The following SSX2IP variants were observed in gnomAD, a reference collection of about 807,000 sequenced individuals.
SSX2IP encodes the protein SSX family member 2 interacting protein.
In SSX2IP, 55 loss-of-function variants were observed where a neutral mutation model predicts 84.9. The ratio of observed to expected loss-of-function variants is 0.65; its 90% CI spans 0.52 to 0.81. The LOEUF is 0.81. SSX2IP is among the 30% of genes least tolerant of loss of function. SSX2IP has a pLI of 0.00. For synonymous variants in SSX2IP, 239 were observed against 234.7 expected, an observed-to-expected ratio of 1.02 and a Z score of -0.17; for missense variants, 664 against 705.2, an observed-to-expected ratio of 0.94 and a Z score of 0.66.
At chr1:84,666,471 G>A (rs1652792233) in intron 4 of SSX2IP, among the ~76,000 whole-genome samples, 1 of 152,050 alleles carries the variant, frequency 6.6e-6, no homozygotes, top group South Asian at 2.1e-4. Context: ...ATACAAAAGT[G>A]CTTCAAAATG....
intron 1 of SSX2IP, among the ~76,000 whole-genome samples, chr1:84,682,467 G>C (rs1191203973): frequency 6.6e-6 from 1 of 151,436 alleles, no homozygotes; most frequent in Non-Finnish European, 1.5e-5. Context: ...ATATGGAACT[G>C]AGTACAGCTA....
At chr1:84,653,673 G>A (rs771197893) in intron 11 of SSX2IP, among the ~76,000 whole-genome samples, 6 of 152,154 alleles carry the variant, frequency 3.9e-5, no homozygotes, top group Non-Finnish European at 5.9e-5. Context: ...TTCACACTGT[G>A]AACTGAGGAA....
At chr1:84,660,026 A>T (rs1025997549) in intron 8 of SSX2IP, among the ~76,000 whole-genome samples, 1 of 151,588 alleles carries the variant, frequency 6.6e-6, no homozygotes, top group African/African-American at 2.4e-5. Context: ...AAAACAACAA[A>T]CTCATTTTAC....
At chr1:84,672,740 T>G (rs1020763136) in intron 1 of SSX2IP, among the ~76,000 whole-genome samples, 5 of 152,186 alleles carry the variant, frequency 3.3e-5, no homozygotes, top group African/African-American at 1.2e-4. Context: ...AAATGAAAAT[T>G]TAGTCTGGCT....
rs1652099461 is a variant in SSX2IP at position 84,662,211 on chromosome 1, T to C, written c.914A>G (p.Asp305Gly). ...AGAGCCACTTACAGTTCCTGTACTA[T>C]CATCTACTCTTTCTCTAGGTTTCTT... Reference protein sequence around the residue: ...QKKKPRERVDDSTGTVISDVE... With the variant: ...QKKKPRERVDGSTGTVISDVE... The change falls in exon 8 of 14, where the codon GAT (aspartate) becomes GGT (glycine). Residue 305 changes from aspartate (D) to glycine (G), a missense_variant. Coordinates refer to ENST00000342203, the MANE Select transcript of SSX2IP (RefSeq NM_001166293.2). 1 of 1,591,018 alleles carries C rather than the reference T, an allele frequency of 6.3e-7. No homozygotes were observed. Among genetic ancestry groups the C allele is most frequent in the Non-Finnish European group, 8.5e-7 (1 of 1,171,984 alleles).
chr1:84,664,266 AT>A (rs1483779755), intron 6 of SSX2IP, 150 bp downstream of exon 6: 6 of 820,620 alleles, frequency 7.3e-6, no homozygotes, highest in African/African-American at 7.2e-5. Flanking sequence ...AGTTGTCTAC[AT>A]TTTTTATATA....
chr1:84,669,954 T>C (rs1653318526), intron 3 of SSX2IP, 61 bp from the exon 4 acceptor site: 3 of 1,258,372 alleles, frequency 2.4e-6, no homozygotes, highest in Non-Finnish European at 3.4e-6. Flanking sequence ...GGTCAGAGGA[T>C]ACAAACTTTC....
intron 11 of SSX2IP, chr1:84,655,365 T>A: frequency 8.7e-7 from 1 of 1,152,230 alleles, no homozygotes; most frequent in Non-Finnish European, 1.1e-6. Context: ...AGGGGGAATA[T>A]GTAGATGACA....
intron 1 of SSX2IP, among the ~76,000 whole-genome samples, chr1:84,673,104 G>A (rs116568218): frequency 2.1e-3 from 319 of 152,290 alleles, no homozygotes; most frequent in Admixed American, 3.7e-3. Flanking sequence ...AGGCACAGGG[G>A]AGGCCATGTT....
At chr1:84,655,438 G>C in intron 11 of SSX2IP, 1 of 1,291,390 alleles carries the variant, frequency 7.7e-7, no homozygotes, top group Non-Finnish European at 1.0e-6. Flanking sequence ...CTGGGGAGAA[G>C]AGAACTTAAT....
At chr1:84,683,150 CTTTTT>C (rs58800832) in intron 1 of SSX2IP, among the ~76,000 whole-genome samples, 2 of 142,926 alleles carry the variant, frequency 1.4e-5, no homozygotes, top group Non-Finnish European at 3.1e-5. Flanking sequence ...ATTCAAGCTG[CTTTTT>C]TTTTTTTTAA....
At chr1:84,654,346 T>TA (rs1650760528) in intron 11 of SSX2IP, among the ~76,000 whole-genome samples, 1 of 151,992 alleles carries the variant, frequency 6.6e-6, no homozygotes, top group African/African-American at 2.4e-5. Context: ...TCAGTAAAAC[T>TA]AAACACTAGG....
At chr1:84,655,296 T>A in intron 11 of SSX2IP, 3 of 1,058,948 alleles carry the variant, frequency 2.8e-6, no homozygotes, top group Non-Finnish European at 3.5e-6. Flanking sequence ...CTTTTTTTAA[T>A]GAGTTTTGTT....
At chr1:84,684,025 G>A (rs1034572321) in intron 1 of SSX2IP, among the ~76,000 whole-genome samples, 1 of 152,118 alleles carries the variant, frequency 6.6e-6, no homozygotes, top group African/African-American at 2.4e-5. Context: ...CTATTTATTG[G>A]TATTTCACTC....
intron 1 of SSX2IP, among the ~76,000 whole-genome samples, chr1:84,673,720 C>A (rs1194967310): frequency 6.6e-6 from 1 of 152,012 alleles, no homozygotes; most frequent in Non-Finnish European, 1.5e-5. Flanking sequence ...GGAGACAGAA[C>A]CTTCAGAACT....
chr1:84,689,313 A>C (rs1338579055), intron 1 of SSX2IP, among the ~76,000 whole-genome samples: 1 of 152,076 alleles, frequency 6.6e-6, no homozygotes, highest in East Asian at 1.9e-4. Flanking sequence ...GGATCACCAG[A>C]ATTTTCTTCT....
In SSX2IP at chr1:84,658,487, G is replaced by A; in HGVS notation, c.928-19C>T. 1 of 1,609,896 alleles carries A rather than the reference G, an allele frequency of 6.2e-7. No individual in the cohort carries two copies. Among genetic ancestry groups the A allele is most frequent in the African/African-American group, 1.3e-5 (1 of 75,018 alleles). On this transcript the variant is annotated intron_variant, in intron 8 of 13. Coordinates refer to ENST00000342203, the MANE Select transcript of SSX2IP (RefSeq NM_001166293.2). Reference sequence around the variant, plus strand: ...AAATAACCTACAAGCGGAGAGAGATGAAGAGGAAAGGCTAGTACCTTACAA... The same window carrying A: ...AAATAACCTACAAGCGGAGAGAGATAAAGAGGAAAGGCTAGTACCTTACAA...
intron 4 of SSX2IP, among the ~76,000 whole-genome samples, chr1:84,668,071 C>T (rs1653009436): frequency 6.6e-6 from 1 of 152,126 alleles, no homozygotes; most frequent in Admixed American, 6.6e-5. Flanking sequence ...CCACTGAATA[C>T]ACATTTCTGT....
chr1:84,646,851 A>G lies in SSX2IP; in HGVS notation c.*582T>C, dbSNP rs1451624098. 1 of 152,582 alleles carries G rather than the reference A, an allele frequency of 6.6e-6. No homozygotes were observed. Among genetic ancestry groups the G allele is most frequent in the East Asian group, 1.9e-4 (1 of 5,196 alleles). The allele number at this position is 152,582 out of a possible 1,614,324, so 9.5% of individuals were successfully genotyped here. ...ACATCTGTAAACAGAATACCACTAA[A>G]AAAATTTTACTGGCATGAAATACTA... On this transcript the variant is annotated 3_prime_UTR_variant, in exon 14 of 14. Coordinates refer to ENST00000342203, the MANE Select transcript of SSX2IP (RefSeq NM_001166293.2).
Sources: allele counts gnomAD v4.1 joint callset (sites outside exome capture counted in the v4.1 genomes callset), GRCh38; gene constraint gnomAD v4.1.1; transcripts MANE v1.5; gene names NCBI Gene and HGNC (gene_info 2026-07-23, HGNC 2026-07-21).